Variants in FAT3 observed in about 807,000 individuals in gnomAD.
FAT3 encodes the protein protocadherin Fat 3.
A neutral mutation model predicts 310.2 loss-of-function variants in FAT3; 95 were observed. The ratio of observed to expected loss-of-function variants is 0.31; its 90% CI spans 0.26 to 0.36. The LOEUF (loss-of-function observed/expected upper bound fraction) is 0.36, where lower values mean the gene tolerates loss of function less well. FAT3 is among the 10% of genes least tolerant of loss of function. The probability of loss-of-function intolerance (pLI) is 1.00; values close to 1 mark genes in which losing one functional copy is unlikely to be tolerated. For missense variants in FAT3, 5,408 were observed against 5,715.6 expected (o/e 0.95, Z 1.74); for synonymous variants, 2,314 against 2,192.9 (o/e 1.06, Z -1.54).
chr11:92,424,610 C>T (rs955465382), intron 2 of FAT3, among the ~76,000 whole-genome samples: 1 of 152,050 alleles, frequency 6.6e-6, no homozygotes, highest in African/African-American at 2.4e-5. Flanking sequence ...CTGCTATATC[C>T]CAGCAGAAAT....
rs1227401435 is a variant in FAT3, at chr11:92,278,200, TGTTAAA to T, written c.-18+53031_-18+53036del. On this transcript the variant is annotated intron_variant, in intron 1 of 27. Transcript: ENST00000525166. ...AATGAGCTTATAGTTATGTATTTTA[TGTTAAA>T]GTTACATGTTTAAGGTATGCATTAA... 2.6e-5 allele frequency among the ~76,000 whole-genome samples: 4 copies of T among 152,214 alleles called. No homozygotes were observed. The East Asian group carries it at 7.7e-4, about 29-fold the overall frequency.
chr11:92,823,256 T>C (rs1040870142), intron 13 of FAT3, among the ~76,000 whole-genome samples: 1 of 152,166 alleles, frequency 6.6e-6, no homozygotes, highest in Admixed American at 6.5e-5. Context: ...GCACAGACAT[T>C]CCATGTACCA....
At chr11:92,811,550 T>C (rs1040153141) in intron 13 of FAT3, among the ~76,000 whole-genome samples, 4 of 152,156 alleles carry the variant, frequency 2.6e-5, no homozygotes, top group Non-Finnish European at 5.9e-5. Context: ...AAGAACATAC[T>C]ATGTCCTCCT....
intron 1 of FAT3, among the ~76,000 whole-genome samples, chr11:92,278,122 G>T (rs1356621288): frequency 6.6e-6 from 1 of 152,156 alleles, no homozygotes; most frequent in African/African-American, 2.4e-5. Flanking sequence ...AAATTCCTGA[G>T]GGGAGGAGGA....
At chr11:92,654,279 G>A (rs1942493600) in intron 3 of FAT3, among the ~76,000 whole-genome samples, 1 of 152,168 alleles carries the variant, frequency 6.6e-6, no homozygotes, top group Non-Finnish European at 1.5e-5. Flanking sequence ...AAATCAGAGA[G>A]ACTAGCATCT....
chr11:92,882,582 CCCT>C lies in FAT3; in HGVS notation c.12282-153_12282-151del, dbSNP rs1313492379. Among the ~76,000 whole-genome samples the C allele has an allele frequency of 5.3e-3, 559 of 105,678 alleles. 12 individuals are homozygous for C. Among genetic ancestry groups the C allele is most frequent in the East Asian group, 0.012 (50 of 4,118 alleles). The allele number at this position is 105,678 out of a possible 152,430, so 69.3% of individuals were successfully genotyped here. A position where few individuals can be genotyped will look rare whatever the true frequency, so the allele number is the denominator to read the frequency against. On this transcript the variant is annotated intron_variant, in intron 23 of 27. Transcript: ENST00000525166. ...CCACAGAAATGCCTAAATTAACTCC[CCCT>C]CCCCCCCCCCACCAACCATCTTTGT... is the stretch of plus-strand genomic sequence containing the variant.
chr11:92,880,457 A>G (rs1949647805), intron 22 of FAT3, among the ~76,000 whole-genome samples: 1 of 151,702 alleles, frequency 6.6e-6, no homozygotes, highest in South Asian at 2.1e-4. Context: ...TCTGCTCTTG[A>G]AATCTGTCCC....
At chr11:92,318,436 G>A (rs952498014) in intron 1 of FAT3, among the ~76,000 whole-genome samples, 5 of 152,170 alleles carry the variant, frequency 3.3e-5, no homozygotes, top group Admixed American at 1.3e-4. Context: ...ACTCAGAAGG[G>A]AGAGGTAATA....
chr11:92,529,954 G>T (rs544657226), intron 3 of FAT3, among the ~76,000 whole-genome samples: 2 of 152,158 alleles, frequency 1.3e-5, no homozygotes, highest in Non-Finnish European at 1.5e-5. Flanking sequence ...CACTTTAGGC[G>T]ACTTAGGAGG....
chr11:92,627,891 G>A (rs1466585554), intron 3 of FAT3, among the ~76,000 whole-genome samples: 1 of 152,206 alleles, frequency 6.6e-6, no homozygotes, highest in East Asian at 1.9e-4. Flanking sequence ...CTTTGTGAGT[G>A]AGCAAGGCTG....
chr11:92,627,359 G>A (rs76636581), intron 3 of FAT3, among the ~76,000 whole-genome samples: 4,092 of 152,188 alleles, frequency 0.027, 178 homozygotes, highest in African/African-American at 0.094. Flanking sequence ...ACTTTATGAC[G>A]GGCTGGGGAA....
At chr11:92,259,993 G>A (rs557486907) in intron 1 of FAT3, among the ~76,000 whole-genome samples, 122 of 152,250 alleles carry the variant, frequency 8.0e-4, no homozygotes, top group African/African-American at 2.8e-3. Context: ...ACTTACCAGG[G>A]AGAGGATCTA....
rs1277550236 is a variant in FAT3, at chr11:92,688,027, TA to T, written c.3608-9356del. Among the ~76,000 whole-genome samples the T allele has an allele frequency of 3.4e-5, 5 of 149,024 alleles. No individual in the cohort carries two copies. The South Asian group carries it at 8.5e-4, about 25-fold the overall frequency. ...GACCAGGAATTAGAGACCACATCTC[TA>T]CCAAAAAAAAAAAAAAATTTTTTTA... On this transcript the variant is annotated intron_variant, in intron 3 of 27. Transcript: ENST00000525166.
chr11:92,404,434 A>T (rs1950093577), intron 2 of FAT3, among the ~76,000 whole-genome samples: 1 of 151,822 alleles, frequency 6.6e-6, no homozygotes, highest in Admixed American at 6.6e-5. Context: ...ACCCTGGATA[A>T]CCTAGTAGCT....
intron 2 of FAT3, among the ~76,000 whole-genome samples, chr11:92,431,704 G>T (rs1459419872): frequency 6.6e-6 from 1 of 151,904 alleles, no homozygotes; most frequent in Non-Finnish European, 1.5e-5. Context: ...TATAAGGAAG[G>T]GATCCGGTTT....
At chr11:92,870,269 C>T (rs543439355) in intron 22 of FAT3, among the ~76,000 whole-genome samples, 1 of 152,228 alleles carries the variant, frequency 6.6e-6, no homozygotes, top group Non-Finnish European at 1.5e-5. Flanking sequence ...AAACCCTTGG[C>T]GTGAAAGTCA....
Position 92,798,354 on chromosome 11 carries a change from G to T in FAT3, c.5341G>T (p.Ala1781Ser). 1.2e-6 allele frequency: 2 copies of T among 1,613,552 alleles called. No homozygotes were observed. Among genetic ancestry groups the T allele is most frequent in the Non-Finnish European group, 1.7e-6 (2 of 1,179,760 alleles). The stretch of plus-strand genomic sequence containing the variant: ...TCAATACTCAGGCAGCCTAAGTGAG[G>T]CTGCCCCAATTAATAGCATTGTCAG... ...FSQYSGSLSE[A>S]APINSIVRSL... The change falls in exon 10 of 28, where the codon GCT (alanine) becomes TCT (serine). Residue 1781 changes from alanine (A) to serine (S), a missense_variant. Physicochemically the swap from Ala to Ser is moderately conservative, Grantham distance 99. Around this residue, in one of 5 missense-constraint regions of FAT3, gnomAD observed 4,588 missense variants for 4,809.8 expected, o/e 0.95. Transcript: ENST00000525166.
At chr11:92,405,548 A>C (rs1308350336) in intron 2 of FAT3, among the ~76,000 whole-genome samples, 1 of 152,162 alleles carries the variant, frequency 6.6e-6, no homozygotes, top group African/African-American at 2.4e-5. Context: ...CTTGAGCCCA[A>C]GAGTTTGAGA....
At position 92,459,692 on chromosome 11, in the gene FAT3, C is replaced by T. The variant is rs374807384; in HGVS notation, c.3293-64942C>T. On this transcript the variant is annotated intron_variant, in intron 2 of 27. Coordinates refer to ENST00000525166, the MANE Select transcript of FAT3 (RefSeq NM_001367949.2). ...GAGCAGATGGGGTCTCATTCACTTC[C>T]TGCTCATTGGAGGGTAGTGCAAATG... Among the ~76,000 whole-genome samples, 14 of 152,236 alleles carry T rather than the reference C, an allele frequency of 9.2e-5. No individual in the cohort carries two copies. In the South Asian group the frequency reaches 2.9e-3, roughly 32 times the overall value.
Sources: gnomAD v4.1 joint callset for allele counts (sites outside exome capture counted in the v4.1 genomes callset) on GRCh38, gnomAD v4.1.1 for gene constraint, gnomAD v4.1.1 regional missense constraint, MANE v1.5 for transcripts, NCBI Gene and HGNC (gene_info 2026-07-23, HGNC 2026-07-21) for gene names.